The following HIRA variants were observed in gnomAD, a reference collection of about 807,000 sequenced individuals.
HIRA encodes the protein histone cell cycle regulator.
A neutral mutation model predicts 126.6 loss-of-function variants in HIRA; 13 were observed. That is an observed-to-expected ratio of 0.10 (90% CI 0.07 to 0.16). The LOEUF (loss-of-function observed/expected upper bound fraction) is 0.16. Among genes scored for constraint, HIRA ranks in the 10% least tolerant of loss-of-function variants. HIRA has a pLI of 1.00. For synonymous variants in HIRA, 511 were observed against 520.0 expected (o/e 0.98, Z 0.24); for missense variants, 834 against 1,314.4 (o/e 0.63, Z 5.65).
Position 19,431,662 on chromosome 22 carries a change from C to A in HIRA, c.-186G>T. 2.0e-6 allele frequency: 1 copy of A among 511,442 alleles called. No individual in the cohort carries two copies. Among genetic ancestry groups the A allele is most frequent in the Non-Finnish European group, 2.8e-6 (1 of 356,156 alleles). 31.7% of individuals were successfully genotyped at this position (511,442 alleles called of 1,614,324 possible). A position where few individuals can be genotyped will look rare whatever the true frequency, so the allele number is the denominator to read the frequency against. ...CCTCCGCCGCCACAGCCGCCACCCG[C>A]GCTCGGCCGCCGCCGCCGCCACCAC... is the stretch of plus-strand genomic sequence containing the variant. On this transcript the variant is annotated 5_prime_UTR_variant, in exon 1 of 25. Coordinates refer to ENST00000263208, the MANE Select transcript of HIRA (RefSeq NM_003325.4).
At chr22:19,385,115 C>T (rs950979674) in intron 12 of HIRA, among the ~76,000 whole-genome samples, 4 of 152,156 alleles carry the variant, frequency 2.6e-5, no homozygotes, top group African/African-American at 9.7e-5. Context: ...CAGGCAATAA[C>T]GTTCCCTACC....
intron 24 of HIRA, among the ~76,000 whole-genome samples, chr22:19,338,234 A>T (rs1556006599): frequency 6.6e-6 from 1 of 152,208 alleles, no homozygotes; most frequent in Non-Finnish European, 1.5e-5. Flanking sequence ...GTCATATATG[A>T]AGGAGGCATA....
chr22:19,371,999 G>A (rs1039008444), intron 15 of HIRA, among the ~76,000 whole-genome samples: 1 of 152,092 alleles, frequency 6.6e-6, no homozygotes, highest in Admixed American at 6.5e-5. Context: ...GAACTGCTAG[G>A]TCAGATGATA....
chr22:19,417,178 C>T (rs113889104), intron 1 of HIRA, among the ~76,000 whole-genome samples: 8,704 of 150,428 alleles, frequency 0.058, 306 homozygotes, highest in Middle Eastern at 0.17. Flanking sequence ...CCAGCCTGGG[C>T]GACAGTGTGA....
chr22:19,430,756 CAG>C (rs1184473817), intron 1 of HIRA, among the ~76,000 whole-genome samples: 1 of 152,174 alleles, frequency 6.6e-6, no homozygotes, highest in Non-Finnish European at 1.5e-5. Context: ...CTCTCTGTAT[CAG>C]AGTCAAGATA....
At chr22:19,429,141 T>C (rs1318344877) in intron 1 of HIRA, among the ~76,000 whole-genome samples, 2 of 137,884 alleles carry the variant, frequency 1.5e-5, no homozygotes, top group African/African-American at 5.4e-5. Flanking sequence ...ATCTTTTTTT[T>C]TTTTTTTTTT....
chr22:19,378,124 T>A (rs1283375979), intron 13 of HIRA, 58 bp from the exon 14 acceptor site: 38 of 1,309,316 alleles, frequency 2.9e-5, no homozygotes, highest in Non-Finnish European at 4.1e-6. Flanking sequence ...ATCCAGTACT[T>A]TATACATTCA....
rs1018456574 is a variant in HIRA at position 19,410,318 on chromosome 22, C to T, written c.100+398G>A. Among the ~76,000 whole-genome samples, 8 of 152,186 alleles carry T rather than the reference C, an allele frequency of 5.3e-5. No individual in the cohort carries two copies. In the South Asian group the frequency reaches 8.3e-4, roughly 16 times the overall value. On this transcript the variant is annotated intron_variant, in intron 2 of 24. Coordinates refer to ENST00000263208, the MANE Select transcript of HIRA (RefSeq NM_003325.4). ...CGAGAAAATGGGCCTAATAACTACA[C>T]GATTGCTTTAGAAGCTTAAATTACC...
At chr22:19,391,904 C>A (rs1027973999) in intron 9 of HIRA, among the ~76,000 whole-genome samples, 197 bp downstream of exon 9, 2 of 152,230 alleles carry the variant, frequency 1.3e-5, no homozygotes, top group African/African-American at 2.4e-5. Context: ...CCTCTCCTGG[C>A]TGGGCACAGA....
chr22:19,389,943 A>AAACCCAGAACTTCC (rs2089162654), intron 9 of HIRA, among the ~76,000 whole-genome samples: 1 of 152,092 alleles, frequency 6.6e-6, no homozygotes, highest in Non-Finnish European at 1.5e-5. Context: ...GATAACCTTC[A>AAACCCAGAACTTCC]AACCCAGAAC....
intron 24 of HIRA, among the ~76,000 whole-genome samples, chr22:19,339,635 CAAAA>C (rs147574342): frequency 1.5e-5 from 1 of 68,602 alleles, no homozygotes. Context: ...GACTCCGTCT[CAAAA>C]AAAAAAAAAA....
intron 7 of HIRA, 64 bp downstream of exon 7, chr22:19,396,723 A>G: frequency 6.4e-7 from 1 of 1,562,974 alleles, no homozygotes; most frequent in Non-Finnish European, 8.8e-7. Context: ...CTCTCTGTAC[A>G]CAGAAGTCAG....
Position 19,359,366 on chromosome 22 carries a change from G to C in HIRA, c.2204C>G (p.Thr735Ser). 1 of 1,605,618 alleles carries C rather than the reference G, an allele frequency of 6.2e-7. No homozygotes were observed. The highest frequency in any genetic ancestry group is 8.5e-7 in the Non-Finnish European group (1 of 1,176,260). Residue 735 changes from threonine to serine, a missense_variant, in exon 18 of 25, where the codon ACC becomes AGC. Physicochemically the swap from Thr to Ser is moderately conservative, Grantham distance 58. Coordinates refer to ENST00000263208, the MANE Select transcript of HIRA (RefSeq NM_003325.4). ...GCCCGCAGCAGTGAGGATCCGGCTG[G>C]TGAGTACCGTCTCCCACTCCTTCCC... is the stretch of plus-strand genomic sequence containing the variant. ...REGKEWETVL[T>S]SRILTAAGSC...
chr22:19,419,934 TC>T (rs1373498730), intron 1 of HIRA, among the ~76,000 whole-genome samples: 1 of 152,104 alleles, frequency 6.6e-6, no homozygotes, highest in Non-Finnish European at 1.5e-5. Flanking sequence ...CAAAAACTTA[TC>T]CCCATCTTCT....
intron 1 of HIRA, among the ~76,000 whole-genome samples, chr22:19,429,842 TA>T (rs757505720): frequency 3.2e-4 from 48 of 152,320 alleles, no homozygotes; most frequent in Non-Finnish European, 5.0e-4. Flanking sequence ...CATTTTAAAA[TA>T]AAAATTCTAT....
intron 15 of HIRA, among the ~76,000 whole-genome samples, chr22:19,370,858 G>A (rs2088958343): frequency 6.6e-6 from 1 of 152,192 alleles, no homozygotes. Context: ...TTATTATACA[G>A]ATCTTGCTAC....
At chr22:19,353,313 G>C in intron 23 of HIRA, 43 bp downstream of exon 23, 1 of 1,608,828 alleles carries the variant, frequency 6.2e-7, no homozygotes, top group African/African-American at 1.3e-5. Flanking sequence ...GGAGGATGGA[G>C]GGGCAGAAGG....
chr22:19,349,509 G>A (rs1556010165), intron 24 of HIRA, among the ~76,000 whole-genome samples: 1 of 152,172 alleles, frequency 6.6e-6, no homozygotes, highest in African/African-American at 2.4e-5. Flanking sequence ...ACTGGTCTCT[G>A]TCTCTGTTTC....
chr22:19,357,177 A>G (rs1001650444), intron 18 of HIRA, 126 bp from the exon 19 acceptor site: 19 of 1,103,228 alleles, frequency 1.7e-5, no homozygotes, highest in Non-Finnish European at 2.5e-5. Flanking sequence ...AGGTACAGCC[A>G]GAAGGGAAGG....
Sources: allele counts gnomAD v4.1 joint callset (sites outside exome capture counted in the v4.1 genomes callset), GRCh38; gene constraint gnomAD v4.1.1; transcripts MANE v1.5; gene names NCBI Gene and HGNC (gene_info 2026-07-23, HGNC 2026-07-21).